Variants in DNAJC11 observed in about 807,000 individuals in gnomAD.
DNAJC11 encodes the protein dnaJ homolog subfamily C member 11.
In DNAJC11, 15 loss-of-function variants were observed where a neutral mutation model predicts 78.6. That is an observed-to-expected ratio of 0.19 (90% confidence interval 0.13 to 0.29). The LOEUF (loss-of-function observed/expected upper bound fraction) is 0.29. DNAJC11 is among the 10% of genes least tolerant of loss of function. The pLI, the probability that DNAJC11 is intolerant of heterozygous loss-of-function variation, is 1.00. For synonymous variants in DNAJC11, 292 were observed against 272.1 expected (o/e 1.07, Z -0.72); for missense variants, 547 against 709.6 (o/e 0.77, Z 2.60).
intron 1 of DNAJC11, among the ~76,000 whole-genome samples, chr1:6,701,303 T>G (rs545371613): frequency 2.0e-5 from 3 of 152,160 alleles, no homozygotes; most frequent in African/African-American, 7.2e-5. Context: ...TTGACCTTGG[T>G]GGGTGAGACT....
At chr1:6,663,024 T>C (rs1348338145) in intron 4 of DNAJC11, among the ~76,000 whole-genome samples, 1 of 152,144 alleles carries the variant, frequency 6.6e-6, no homozygotes, top group Non-Finnish European at 1.5e-5. Context: ...TCTGGACATA[T>C]TGGGATTACA....
At chr1:6,658,965 G>C (rs923348836) in intron 4 of DNAJC11, among the ~76,000 whole-genome samples, 2 of 152,216 alleles carry the variant, frequency 1.3e-5, no homozygotes, top group African/African-American at 4.8e-5. Context: ...CAAATAGTCT[G>C]TAAGACTTAG....
At chr1:6,669,536 A>T (rs985037420) in intron 3 of DNAJC11, among the ~76,000 whole-genome samples, 1 of 151,044 alleles carries the variant, frequency 6.6e-6, no homozygotes, top group Non-Finnish European at 1.5e-5. Context: ...AAAAGAAAAG[A>T]AAAGAAAAGA....
intron 1 of DNAJC11, among the ~76,000 whole-genome samples, chr1:6,682,853 A>G (rs977143828): frequency 1.3e-5 from 2 of 152,026 alleles, no homozygotes; most frequent in African/African-American, 4.8e-5. Flanking sequence ...AAGCCTGGGG[A>G]GGCTGAGGTT....
In DNAJC11 at chr1:6,701,763, T is replaced by C; in HGVS notation, c.38A>G (p.Glu13Gly). 1 of 1,568,274 alleles carries C rather than the reference T, an allele frequency of 6.4e-7. No individual in the cohort carries two copies. The highest frequency in any genetic ancestry group is 8.6e-7 in the Non-Finnish European group (1 of 1,159,528). Residue 13 changes from glutamate to glycine, a missense_variant, in exon 1 of 16, where the codon GAA (glutamate) becomes GGA (glycine). By Grantham distance (98) the Glu-to-Gly change is moderately conservative (BLOSUM62 -2). Coordinates refer to ENST00000377577, the MANE Select transcript of DNAJC11 (RefSeq NM_018198.4). ...CACGTTCAGCAACGAGTAATAGTCT[T>C]CATTGTCCAGCTCCTCCTCGCTCAA... The part of the protein sequence containing the change: ...TALSEEELDN[E>G]DYYSLLNVRR...
intron 1 of DNAJC11, among the ~76,000 whole-genome samples, chr1:6,696,245 T>G (rs1279516472): frequency 6.6e-6 from 1 of 152,266 alleles, no homozygotes; most frequent in East Asian, 1.9e-4. Flanking sequence ...CCATCTTTAT[T>G]TTTTATTAAG....
rs141622479 is a variant in DNAJC11 at position 6,701,331 on chromosome 1, G to A, written c.72+398C>T. On this transcript the variant is annotated intron_variant, in intron 1 of 15. Coordinates refer to ENST00000377577, the MANE Select transcript of DNAJC11 (RefSeq NM_018198.4). ...GTGAGACTCAGTTCGCCATCCTGCT[G>A]GCGGCGGGCGATGACACAGCCCCTC... Among the ~76,000 whole-genome samples, 594 of 152,310 alleles carry A rather than the reference G, an allele frequency of 3.9e-3. 2 individuals carry two copies. Among genetic ancestry groups the A allele is most frequent in the Non-Finnish European group, 4.8e-3 (325 of 68,020 alleles).
At chr1:6,647,080 CTTTTTT>C (rs70981396) in intron 7 of DNAJC11, among the ~76,000 whole-genome samples, 1 of 95,022 alleles carries the variant, frequency 1.1e-5, no homozygotes, top group Non-Finnish European at 2.1e-5. Context: ...CTGGACAGGT[CTTTTTT>C]TTTTTTTTTT....
At chr1:6,667,652 T>G in intron 4 of DNAJC11, 57 bp downstream of exon 4, 1 of 1,424,644 alleles carries the variant, frequency 7.0e-7, no homozygotes, top group Non-Finnish European at 9.9e-7. Flanking sequence ...CAGACCTGGC[T>G]TCTAGTTATG....
At chr1:6,686,385 T>C (rs1014406666) in intron 1 of DNAJC11, among the ~76,000 whole-genome samples, 3 of 152,220 alleles carry the variant, frequency 2.0e-5, no homozygotes, top group Non-Finnish European at 2.9e-5. Context: ...GGCTAGATGA[T>C]ACTGCAGTAA....
At chr1:6,675,115 T>C (rs527568677) in intron 3 of DNAJC11, among the ~76,000 whole-genome samples, 3 of 152,326 alleles carry the variant, frequency 2.0e-5, no homozygotes, top group East Asian at 3.9e-4. Context: ...GATGCCAGCT[T>C]CATAGAATGT....
rs1642532426 is a variant in DNAJC11, at chr1:6,680,342, G to C, written c.202+566C>G. The stretch of plus-strand genomic sequence containing the variant: ...CCAGAACTTTTTGCCATCCCAGACA[G>C]AAGCTCTGTATCTGGTAGTGACTTT... On this transcript the variant is annotated intron_variant, in intron 2 of 15. Coordinates refer to ENST00000377577, the MANE Select transcript of DNAJC11 (RefSeq NM_018198.4). The surrounding 1 kb of genome is among the most constrained non-coding windows in gnomAD (Gnocchi z 4.0). Among the ~76,000 whole-genome samples the C allele has an allele frequency of 6.6e-6, 1 of 152,166 alleles. No individual in the cohort carries two copies. The highest frequency in any genetic ancestry group is 2.1e-4 in the South Asian group (1 of 4,828).
At chr1:6,654,901 C>T (rs776276421) in intron 4 of DNAJC11, among the ~76,000 whole-genome samples, 50 of 151,956 alleles carry the variant, frequency 3.3e-4, no homozygotes, top group Non-Finnish European at 6.6e-4. Context: ...TGGGTTCAAG[C>T]GATTCTCCTG....
chr1:6,651,929 C>A (rs1642060287), intron 6 of DNAJC11, among the ~76,000 whole-genome samples: 1 of 151,352 alleles, frequency 6.6e-6, no homozygotes, highest in Admixed American at 6.6e-5. Context: ...CCTCCCGGCG[C>A]AGCCCCCCGC....
At position 6,645,120 on chromosome 1, in the gene DNAJC11, T is replaced by C. The variant is rs141730934; in HGVS notation, c.901A>G (p.Ile301Val). 3.7e-6 allele frequency: 6 copies of C among 1,611,832 alleles called. No individual in the cohort carries two copies. In the African/African-American group the frequency reaches 8.0e-5, roughly 22 times the overall value. The change falls in exon 9 of 16, where the codon ATC (isoleucine) becomes GTC (valine). Residue 301 changes from isoleucine (I) to valine (V), a missense_variant. Transcript: ENST00000377577. This position sits in a 1 kb window ranked among gnomAD's most constrained non-coding sequence, Gnocchi z 4.1. The stretch of plus-strand genomic sequence containing the variant: ...CTGATCAGTGCAAAGGAGTGAGGGA[T>C]TCCCAGCTGGGGAGACAGAGGGTGC... ...SHFTVALQLG[I>V]PHSFALISYQ...
chr1:6,697,963 T>C (rs1487040785), intron 1 of DNAJC11, among the ~76,000 whole-genome samples: 3 of 152,142 alleles, frequency 2.0e-5, no homozygotes, highest in Non-Finnish European at 4.4e-5. Context: ...GCTAATTTTT[T>C]GTATTTTTAG....
chr1:6,648,016 C>A (rs1283221131), intron 7 of DNAJC11, among the ~76,000 whole-genome samples: 4 of 152,112 alleles, frequency 2.6e-5, no homozygotes, highest in African/African-American at 9.7e-5. Flanking sequence ...AATGAATAGA[C>A]ACTGAGGCTC....
At chr1:6,693,834 A>ATTTTTTT (rs34877805) in intron 1 of DNAJC11, among the ~76,000 whole-genome samples, 2 of 101,220 alleles carry the variant, frequency 2.0e-5, no homozygotes, top group African/African-American at 3.9e-5. Flanking sequence ...AAGTACCCCC[A>ATTTTTTT]TTTTTTTTTT....
chr1:6,674,126 T>C (rs1435162180), intron 3 of DNAJC11, among the ~76,000 whole-genome samples: 2 of 152,174 alleles, frequency 1.3e-5, no homozygotes, highest in African/African-American at 4.8e-5. Context: ...ACCAATTTCA[T>C]TTTCAATGTG....
Sources: gnomAD v4.1 joint callset for allele counts (sites outside exome capture counted in the v4.1 genomes callset) on GRCh38, gnomAD v4.1.1 for gene constraint, Gnocchi (gnomAD v3.1) non-coding constraint, MANE v1.5 for transcripts, NCBI Gene and HGNC (gene_info 2026-07-23, HGNC 2026-07-21) for gene names.